ARHGEF4: variants seen among roughly 807,000 people sequenced by gnomAD.
The protein encoded by ARHGEF4 is Rho guanine nucleotide exchange factor 4, also known as APC-stimulated guanine nucleotide exchange factor 1.
ARHGEF4 carries 119 observed loss-of-function variants against 162.0 expected under a neutral mutation model. The observed-to-expected ratio is 0.73, with a 90% confidence interval of 0.63 to 0.86. ARHGEF4 has a LOEUF of 0.86. ARHGEF4 is among the 40% of genes least tolerant of loss of function. The pLI is 0.00. For missense variants in ARHGEF4, 2,488 were observed against 2,456.0 expected, an observed-to-expected ratio of 1.01 and a Z score of -0.28; for synonymous variants, 1,014 against 979.9, an observed-to-expected ratio of 1.03 and a Z score of -0.65.
chr2:130,967,591 G>A (rs1431602164), intron 4 of ARHGEF4, among the ~76,000 whole-genome samples: 1 of 152,234 alleles, frequency 6.6e-6, no homozygotes, highest in Non-Finnish European at 1.5e-5. Flanking sequence ...TGCATCCGCA[G>A]GCAAGGCCTC....
At chr2:131,032,302 C>T (rs965105444) in intron 5 of ARHGEF4, among the ~76,000 whole-genome samples, 13 of 151,950 alleles carry the variant, frequency 8.6e-5, no homozygotes, top group Non-Finnish European at 1.8e-4. Flanking sequence ...TGAGACAACC[C>T]GAGGATGCTA....
chr2:131,011,226 C>T (rs1038178305), intron 4 of ARHGEF4, among the ~76,000 whole-genome samples: 4 of 152,112 alleles, frequency 2.6e-5, no homozygotes, highest in African/African-American at 9.7e-5. Context: ...CAAAATAGTC[C>T]AGGCATTTTA....
rs1173433533 is a variant in ARHGEF4, at chr2:130,916,099, TC to T, written c.2158del (p.Gln720LysfsTer78). 6.5e-7 allele frequency: 1 copy of T among 1,549,682 alleles called. No individual in the cohort carries two copies. The highest frequency in any genetic ancestry group is 1.4e-5 in the African/African-American group (1 of 73,006). ...AQAAELGRVL[V>X]PQAASEETPS... is the part of the protein sequence containing the mutation. ...GCCGCAGAGCTTGGGAGAGTGCTGG[TC>T]CCCCAAGCTGCTTCGGAAGAGACGC... On this transcript the variant is annotated frameshift_variant, in exon 2 of 14. Coordinates refer to ENST00000409359, the MANE Select transcript of ARHGEF4 (RefSeq NM_001367493.1). LOFTEE classifies it high-confidence loss of function.
Position 131,022,671 on chromosome 2 carries a change from AC to A in ARHGEF4, c.3986-5273del, listed in dbSNP as rs1338488034. Among the ~76,000 whole-genome samples, 726 of 146,022 alleles carry A rather than the reference AC, an allele frequency of 5.0e-3. 5 individuals carry two copies. The highest frequency in any genetic ancestry group is 0.017 in the African/African-American group (686 of 39,430). On this transcript the variant is annotated intron_variant, in intron 4 of 13. Transcript: ENST00000409359. ...CACACATTATACAAAAAAAAAAAAA[AC>A]AAAAACCCCACACACAAAATGAATT... is the stretch of plus-strand genomic sequence containing the variant.
chr2:130,957,816 G>A (rs1684381537), intron 4 of ARHGEF4, among the ~76,000 whole-genome samples: 1 of 150,998 alleles, frequency 6.6e-6, no homozygotes, highest in Non-Finnish European at 1.5e-5. Context: ...ACCTGGAAGA[G>A]GGCCCTCACT....
intron 5 of ARHGEF4, chr2:131,035,030 G>C (rs1296085149): frequency 5.1e-6 from 5 of 989,274 alleles, no homozygotes; most frequent in Non-Finnish European, 6.0e-6. Context: ...GGCGCTGCGG[G>C]CCACCGGCTC....
intron 4 of ARHGEF4, among the ~76,000 whole-genome samples, chr2:130,996,351 A>G (rs747337070): frequency 2.0e-5 from 3 of 152,082 alleles, no homozygotes; most frequent in Non-Finnish European, 4.4e-5. Flanking sequence ...CTTGAAGTGC[A>G]TGTGTTTTAT....
intron 4 of ARHGEF4, among the ~76,000 whole-genome samples, chr2:130,947,432 C>T (rs1683693247): frequency 6.6e-6 from 1 of 152,040 alleles, no homozygotes; most frequent in Non-Finnish European, 1.5e-5. Context: ...AGTCCCCCAG[C>T]TTGGCTCCAT....
intron 1 of ARHGEF4, among the ~76,000 whole-genome samples, chr2:130,882,558 A>G (rs1679261231): frequency 6.6e-6 from 1 of 151,836 alleles, no homozygotes; most frequent in Admixed American, 6.6e-5. Flanking sequence ...TCTCCTCTCA[A>G]TACCCTCACC....
rs78852970 is a variant in ARHGEF4, at chr2:130,851,762, A to C, written c.39+14770A>C. 4.7e-3 allele frequency among the ~76,000 whole-genome samples: 716 copies of C among 152,308 alleles called. 2 individuals are homozygous for C. Among genetic ancestry groups the C allele is most frequent in the Non-Finnish European group, 7.0e-3 (474 of 68,020 alleles). ...AGGTCCCAACCCTCCCGGGGCCTCC[A>C]TGGACACAGCCAGCAGGAAATGCAG... On this transcript the variant is annotated intron_variant, in intron 1 of 13. Coordinates refer to ENST00000409359, the MANE Select transcript of ARHGEF4 (RefSeq NM_001367493.1).
At chr2:130,959,651 A>C (rs1684519254) in intron 4 of ARHGEF4, among the ~76,000 whole-genome samples, 1 of 152,248 alleles carries the variant, frequency 6.6e-6, no homozygotes, top group African/African-American at 2.4e-5. Flanking sequence ...TCATTCACTT[A>C]ATCCTCACAA....
intron 2 of ARHGEF4, among the ~76,000 whole-genome samples, chr2:130,923,930 G>C (rs1324437259): frequency 1.3e-5 from 2 of 150,938 alleles, no homozygotes; most frequent in Admixed American, 6.6e-5. Context: ...GCCCAGGCTG[G>C]AGTGCAGTGG....
Position 130,916,008 on chromosome 2 carries a change from G to A in ARHGEF4, c.2062G>A (p.Glu688Lys), listed in dbSNP as rs1030807702. The change falls in exon 2 of 14, where the codon GAG (glutamate) becomes AAG (lysine). Residue 688 changes from glutamate to lysine, a missense_variant. Glu to Lys is a moderately conservative substitution (Grantham distance 56, BLOSUM62 1). Around this residue, in one of 6 missense-constraint regions of ARHGEF4, gnomAD observed 1,642 missense variants for 1,481.5 expected, o/e 1.11. Transcript: ENST00000409359. Reference protein sequence around the residue: ...PTRGKTPAGNECELPAAPIQG... With the variant: ...PTRGKTPAGNKCELPAAPIQG... ...TAGGGGGAAAACACCAGCCGGTAATGAGTGTGAGTTGCCAGCAGCCCCCAT... is the reference window on the plus strand; with the variant it reads ...TAGGGGGAAAACACCAGCCGGTAATAAGTGTGAGTTGCCAGCAGCCCCCAT... The A allele has an allele frequency of 1.3e-6, 2 of 1,550,390 alleles. No homozygotes were observed. The highest frequency in any genetic ancestry group is 2.7e-5 in the African/African-American group (2 of 73,070).
intron 1 of ARHGEF4, among the ~76,000 whole-genome samples, chr2:130,887,924 C>T (rs955732392): frequency 2.0e-5 from 3 of 152,094 alleles, no homozygotes; most frequent in African/African-American, 7.3e-5. Flanking sequence ...GACCTGAGTC[C>T]AGGGACATGG....
intron 1 of ARHGEF4, among the ~76,000 whole-genome samples, chr2:130,840,022 T>C (rs1680495915): frequency 6.6e-6 from 1 of 152,138 alleles, no homozygotes; most frequent in Non-Finnish European, 1.5e-5. Context: ...CCAAGACAAG[T>C]CGTGAAGGTG....
intron 5 of ARHGEF4, chr2:131,035,359 C>A: frequency 9.6e-7 from 1 of 1,044,144 alleles, no homozygotes. Context: ...GGAGGGAAGG[C>A]CTCCTTCCAC....
chr2:131,015,946 G>A lies in ARHGEF4; in HGVS notation c.3986-11999G>A, dbSNP rs186999391. On this transcript the variant is annotated intron_variant, in intron 4 of 13. Transcript: ENST00000409359. The stretch of plus-strand genomic sequence containing the variant: ...CGGACACGTATCCCAGTCCCGCAGC[G>A]CAGAGCCACTGGGGAGCCTGCACCT... Among the ~76,000 whole-genome samples, 333 of 152,334 alleles carry A rather than the reference G, an allele frequency of 2.2e-3. 2 individuals carry two copies. Among genetic ancestry groups the A allele is most frequent in the Admixed American group, 0.01 (154 of 15,310 alleles).
At chr2:130,922,964 T>A (rs1324534691) in intron 2 of ARHGEF4, among the ~76,000 whole-genome samples, 1 of 151,578 alleles carries the variant, frequency 6.6e-6, no homozygotes, top group Non-Finnish European at 1.5e-5. Flanking sequence ...GGAGTCTTGC[T>A]CCGTCACCCA....
intron 4 of ARHGEF4, among the ~76,000 whole-genome samples, chr2:131,005,642 A>C (rs2105321228): frequency 6.6e-6 from 1 of 151,838 alleles, no homozygotes; most frequent in Non-Finnish European, 1.5e-5. Flanking sequence ...CGTACCCCGC[A>C]GCGTGCAGAA....
Sources: allele counts gnomAD v4.1 joint callset (sites outside exome capture counted in the v4.1 genomes callset), GRCh38; gene constraint gnomAD v4.1.1; regional missense constraint gnomAD v4.1.1; transcripts MANE v1.5; gene names NCBI Gene and HGNC (gene_info 2026-07-23, HGNC 2026-07-21).